AGBL4: variants seen among roughly 807,000 people sequenced by gnomAD.
The protein encoded by AGBL4 is cytosolic carboxypeptidase 6.
Under a neutral mutation model 66.4 loss-of-function variants are expected in AGBL4, and 58 were observed. That is an observed-to-expected ratio of 0.87 (90% CI 0.71 to 1.09). The LOEUF is 1.09. Ranked by LOEUF, AGBL4 falls within the 50% of genes least tolerant of loss-of-function variation. AGBL4 has a pLI of 0.00. For missense variants in AGBL4, 579 were observed against 631.0 expected (o/e 0.92, Z 0.88); for synonymous variants, 234 against 222.9 (o/e 1.05, Z -0.44).
Position 49,750,288 on chromosome 1 carries a change from G to T in AGBL4, c.158-52851C>A, listed in dbSNP as rs554314690. ...ATTTTTGTATAAGGTGTAGGGAAGG[G>T]GGTCCAGTTTCAGTTTTCTGCATAT... On this transcript the variant is annotated intron_variant, in intron 2 of 13. Coordinates refer to ENST00000371839, the MANE Select transcript of AGBL4 (RefSeq NM_032785.4). Among the ~76,000 whole-genome samples, 123 of 151,900 alleles carry T rather than the reference G, an allele frequency of 8.1e-4. 1 individual carries two copies. Among genetic ancestry groups the T allele is most frequent in the African/African-American group, 2.8e-3 (114 of 41,444 alleles).
chr1:49,429,836 A>G (rs2148655105), intron 3 of AGBL4, among the ~76,000 whole-genome samples: 1 of 150,162 alleles, frequency 6.7e-6, no homozygotes, highest in East Asian at 1.9e-4. Flanking sequence ...AAGTATTTGC[A>G]GTTCTTTGAA....
intron 3 of AGBL4, among the ~76,000 whole-genome samples, chr1:49,307,745 C>G (rs1644872770): frequency 6.6e-6 from 1 of 152,088 alleles, no homozygotes; most frequent in Non-Finnish European, 1.5e-5. Context: ...TTTTATCCCT[C>G]CTGGGCCTCC....
At chr1:49,763,971 C>A (rs1652535128) in intron 2 of AGBL4, among the ~76,000 whole-genome samples, 1 of 152,140 alleles carries the variant, frequency 6.6e-6, no homozygotes, top group African/African-American at 2.4e-5. Flanking sequence ...GGCTTGGGCT[C>A]CCAGTGCAGC....
At chr1:49,242,642 T>A (rs1179694038) in intron 4 of AGBL4, among the ~76,000 whole-genome samples, 2 of 151,998 alleles carry the variant, frequency 1.3e-5, no homozygotes, top group African/African-American at 2.4e-5. Flanking sequence ...TAATGAGTTA[T>A]GAGCATCAGA....
intron 2 of AGBL4, among the ~76,000 whole-genome samples, chr1:49,744,431 G>C (rs773388050): frequency 7.2e-5 from 11 of 151,936 alleles, no homozygotes; most frequent in Non-Finnish European, 1.5e-4. Context: ...TTGCATAACT[G>C]TAAACCAATT....
chr1:48,806,854 A>G (rs753575300), intron 6 of AGBL4, among the ~76,000 whole-genome samples: 12 of 152,210 alleles, frequency 7.9e-5, no homozygotes, highest in Non-Finnish European at 1.0e-4. Context: ...TTGTGGCAAG[A>G]TGAACAGCGA....
At chr1:49,455,850 C>T (rs183424637) in intron 3 of AGBL4, among the ~76,000 whole-genome samples, 1 of 151,732 alleles carries the variant, frequency 6.6e-6, no homozygotes, top group Non-Finnish European at 1.5e-5. Flanking sequence ...AAACTTTTAC[C>T]TCCCAAGGTC....
chr1:49,563,069 C>A (rs1463533824), intron 3 of AGBL4, among the ~76,000 whole-genome samples: 8 of 152,070 alleles, frequency 5.3e-5, no homozygotes, highest in Middle Eastern at 3.4e-3. Flanking sequence ...CTCTTTGAAG[C>A]AATTGTGAAT....
At chr1:49,094,215 A>AC (rs1298280576) in intron 4 of AGBL4, among the ~76,000 whole-genome samples, 1 of 151,682 alleles carries the variant, frequency 6.6e-6, no homozygotes, top group Non-Finnish European at 1.5e-5. Flanking sequence ...GTTGAATACT[A>AC]CCCCCCACTC....
intron 5 of AGBL4, among the ~76,000 whole-genome samples, chr1:48,889,970 C>G (rs115761199): frequency 0.016 from 2,330 of 147,026 alleles, 23 homozygotes; most frequent in Non-Finnish European, 0.024. Flanking sequence ...TCCTAACACT[C>G]AAGATCACAG....
intron 4 of AGBL4, among the ~76,000 whole-genome samples, chr1:49,110,827 C>T (rs889975850): frequency 2.2e-4 from 33 of 152,164 alleles, no homozygotes; most frequent in Non-Finnish European, 4.6e-4. Context: ...CAATTCAATT[C>T]AGTCTACTCT....
chr1:49,264,224 A>T (rs892254007), intron 3 of AGBL4, among the ~76,000 whole-genome samples: 2 of 152,142 alleles, frequency 1.3e-5, no homozygotes, highest in African/African-American at 4.8e-5. Flanking sequence ...GATCTGAAAG[A>T]TGACAAAATG....
intron 12 of AGBL4, among the ~76,000 whole-genome samples, chr1:48,539,139 C>A (rs771009115): frequency 5.9e-5 from 9 of 152,166 alleles, no homozygotes; most frequent in Non-Finnish European, 1.2e-4. Flanking sequence ...AAGGGTGTGT[C>A]CTCTCCAGCC....
intron 6 of AGBL4, among the ~76,000 whole-genome samples, chr1:48,812,746 G>A (rs113122176): frequency 6.6e-6 from 1 of 151,982 alleles, no homozygotes; most frequent in Non-Finnish European, 1.5e-5. Flanking sequence ...TTAAGAAAAT[G>A]TGGCACATAT....
At chr1:48,886,833 G>A (rs983339599) in intron 5 of AGBL4, among the ~76,000 whole-genome samples, 2 of 152,168 alleles carry the variant, frequency 1.3e-5, no homozygotes, top group Non-Finnish European at 2.9e-5. Context: ...TTACAGGTGT[G>A]AGCCACCGCG....
At chr1:49,227,165 T>C (rs1184981165) in intron 4 of AGBL4, among the ~76,000 whole-genome samples, 1 of 152,240 alleles carries the variant, frequency 6.6e-6, no homozygotes, top group Non-Finnish European at 1.5e-5. Context: ...TGTAATTATA[T>C]ATTTCTTTTG....
chr1:48,948,969 A>G (rs183827086), intron 5 of AGBL4, among the ~76,000 whole-genome samples: 2 of 152,346 alleles, frequency 1.3e-5, no homozygotes, highest in East Asian at 1.9e-4. Context: ...GTGTTACAGT[A>G]TGCTAAAGTG....
intron 1 of AGBL4, among the ~76,000 whole-genome samples, chr1:49,997,242 C>T (rs74710325): frequency 6.6e-6 from 1 of 152,142 alleles, no homozygotes; most frequent in Non-Finnish European, 1.5e-5. Context: ...CTAAATGCTC[C>T]ACTTAAAAGA....
chr1:49,187,780 C>G (rs895923134), intron 4 of AGBL4, among the ~76,000 whole-genome samples: 1 of 152,162 alleles, frequency 6.6e-6, no homozygotes, highest in Admixed American at 6.6e-5. Flanking sequence ...AAATCTCTGT[C>G]TTTGAACATG....
Sources: gnomAD v4.1 joint callset for allele counts (sites outside exome capture counted in the v4.1 genomes callset) on GRCh38, gnomAD v4.1.1 for gene constraint, MANE v1.5 for transcripts, NCBI Gene and HGNC (gene_info 2026-07-23, HGNC 2026-07-21) for gene names.